NOMO3: variants seen among roughly 807,000 people sequenced by gnomAD.
NOMO3 encodes the protein NODAL modulator 3.
Under a neutral mutation model 69.9 loss-of-function variants are expected in NOMO3, and 15 were observed. The ratio of observed to expected loss-of-function variants is 0.21; its 90% CI spans 0.14 to 0.33. The LOEUF is 0.33. Ranked by LOEUF, NOMO3 falls within the 10% of genes least tolerant of loss-of-function variation. The pLI is 1.00. For synonymous variants in NOMO3, 89 were observed against 301.9 expected (o/e 0.29, Z 7.31); for missense variants, 218 against 761.0 (o/e 0.29, Z 8.39).
rs1387351979 is a variant in NOMO3 at position 16,244,578 on chromosome 16, C to T, written c.403-490C>T. 2.2e-3 allele frequency among the ~76,000 whole-genome samples: 87 copies of T among 39,398 alleles called. 2 individuals are homozygous for T. Among genetic ancestry groups the T allele is most frequent in the African/African-American group, 0.014 (85 of 6,104 alleles). 25.8% of individuals were successfully genotyped at this position (39,398 alleles called of 152,430 possible). A position where few individuals can be genotyped will look rare whatever the true frequency, so the allele number is the denominator to read the frequency against. ...TGTCGCCCAGGCTGGAGTGCAGTGG[C>T]GCGATTGCAGCTTACTGCAACCTCC... On this transcript the variant is annotated intron_variant, in intron 4 of 30. Coordinates refer to ENST00000399336, the MANE Select transcript of NOMO3 (RefSeq NM_001004067.4).
chr16:16,265,855 C>CTT (rs540082484), intron 15 of NOMO3, among the ~76,000 whole-genome samples: 3 of 130,064 alleles, frequency 2.3e-5, no homozygotes, highest in South Asian at 5.0e-4. Flanking sequence ...TAATTTTTTT[C>CTT]TTTTTTTTTT....
chr16:16,250,029 C>T lies in NOMO3; in HGVS notation c.583-899C>T, dbSNP rs940312826. Among the ~76,000 whole-genome samples, 21 of 136,452 alleles carry T rather than the reference C, an allele frequency of 1.5e-4. 1 individual carries two copies. Among genetic ancestry groups the T allele is most frequent in the Non-Finnish European group, 2.6e-4 (17 of 66,482 alleles). The allele number at this position is 136,452 out of a possible 152,430, so 89.5% of individuals were successfully genotyped here. On this transcript the variant is annotated intron_variant, in intron 6 of 30. Coordinates refer to ENST00000399336, the MANE Select transcript of NOMO3 (RefSeq NM_001004067.4). ...AGCTCCCTGAGCCAGAATAGGTTTA[C>T]AGCGACTGTGGCACTGTTGCGTGAT... is the stretch of plus-strand genomic sequence containing the variant.
intron 11 of NOMO3, chr16:16,260,980 G>C (rs536052793): frequency 4.7e-5 from 7 of 150,284 alleles, no homozygotes; most frequent in Admixed American, 1.2e-4. Flanking sequence ...TACCTTTTCT[G>C]TTCCAATCTC....
At chr16:16,236,770 C>CCCCGGTT (rs2049330101) in intron 1 of NOMO3, 131 bp from the exon 2 acceptor site, 1 of 740,214 alleles carries the variant, frequency 1.4e-6, no homozygotes, top group African/African-American at 2.1e-5. Flanking sequence ...CCCAGTAATG[C>CCCCGGTT]CCCGTGTTAA....
rs1050231347 is a variant in NOMO3 at position 16,241,685 on chromosome 16, G to A, written c.302-1476G>A. Reference sequence around the variant, plus strand: ...GGCCTCCCAAAGTGTTGGGATTATAGGCAAGAGCCACCACGCCTGGCCTAT... The same window carrying A: ...GGCCTCCCAAAGTGTTGGGATTATAAGCAAGAGCCACCACGCCTGGCCTAT... On this transcript the variant is annotated intron_variant, in intron 3 of 30. Transcript: ENST00000399336. Among the ~76,000 whole-genome samples, 246 of 119,070 alleles carry A rather than the reference G, an allele frequency of 2.1e-3. 2 individuals are homozygous for A. Among genetic ancestry groups the A allele is most frequent in the Non-Finnish European group, 3.0e-3 (186 of 61,104 alleles). The allele number at this position is 119,070 out of a possible 152,430, so 78.1% of individuals were successfully genotyped here. A position where few individuals can be genotyped will look rare whatever the true frequency, so the allele number is the denominator to read the frequency against.
chr16:16,265,305 A>G (rs386382), intron 15 of NOMO3, 126 bp downstream of exon 15: 25,330 of 1,528,246 alleles, frequency 0.017, 1,571 homozygotes, highest in East Asian at 0.058. Context: ...CTCTGCACTC[A>G]CCCACCTGTT....
intron 3 of NOMO3, among the ~76,000 whole-genome samples, chr16:16,240,264 G>A (rs1279036995): frequency 7.0e-6 from 1 of 143,434 alleles, no homozygotes; most frequent in Non-Finnish European, 1.5e-5. Flanking sequence ...AGTTTTTATG[G>A]AATTAATTGA....
At chr16:16,251,568 G>C (rs2049463109) in intron 7 of NOMO3, 1 of 267,218 alleles carries the variant, frequency 3.7e-6, no homozygotes, top group South Asian at 5.0e-5. Flanking sequence ...TCTACACTGG[G>C]AGGCAGTGGT....
intron 5 of NOMO3, among the ~76,000 whole-genome samples, chr16:16,245,560 A>AC (rs2049410108): frequency 3.0e-5 from 4 of 134,830 alleles, no homozygotes; most frequent in Non-Finnish European, 6.1e-5. Context: ...GTAGAGTCCC[A>AC]TGGGGGAAGA....
intron 9 of NOMO3, among the ~76,000 whole-genome samples, chr16:16,254,374 G>A (rs2049491909): frequency 7.0e-6 from 1 of 143,222 alleles, no homozygotes; most frequent in Non-Finnish European, 1.5e-5. Flanking sequence ...GCGTACATAT[G>A]TGAATTAATA....
intron 2 of NOMO3, among the ~76,000 whole-genome samples, chr16:16,239,231 G>A (rs571012615): frequency 6.9e-6 from 1 of 144,550 alleles, no homozygotes; most frequent in Admixed American, 6.7e-5. Context: ...GTTCACTGCA[G>A]CACTGACCTC....
Position 16,252,858 on chromosome 16 carries a change from G to A in NOMO3, c.963+336G>A, listed in dbSNP as rs1291285973. Among the ~76,000 whole-genome samples the A allele has an allele frequency of 1.3e-4, 16 of 127,330 alleles. 3 individuals are homozygous for A. The highest frequency in any genetic ancestry group is 6.0e-4 in the African/African-American group (16 of 26,772). The allele number at this position is 127,330 out of a possible 152,430, so 83.5% of individuals were successfully genotyped here. ...TTTTTTTTTTTTTTTTTTTAAGACA[G>A]GGTCTCACTGTGTGGCTCAAGCTGG... On this transcript the variant is annotated intron_variant, in intron 9 of 30. Coordinates refer to ENST00000399336, the MANE Select transcript of NOMO3 (RefSeq NM_001004067.4).
intron 15 of NOMO3, 128 bp downstream of exon 15, chr16:16,265,307 C>T (rs1329787109): frequency 6.4e-7 from 1 of 1,558,978 alleles, no homozygotes; most frequent in Admixed American, 1.8e-5. Context: ...CTGCACTCAC[C>T]CACCTGTTAC....
At chr16:16,267,438 T>TC (rs1369848835) in intron 16 of NOMO3, 6 of 412,946 alleles carry the variant, frequency 1.5e-5, no homozygotes, top group Non-Finnish European at 2.5e-5. Context: ...ATTTTTTTTT[T>TC]CTCTTTCTTT....
intron 16 of NOMO3, among the ~76,000 whole-genome samples, chr16:16,267,714 G>A (rs1236000880): frequency 7.0e-6 from 1 of 143,724 alleles, no homozygotes; most frequent in Admixed American, 6.8e-5. Flanking sequence ...GATTACAGGT[G>A]TGAGCTGCTG....
Position 16,261,592 on chromosome 16 carries a change from C to T in NOMO3, c.1311C>T (p.Asp437=), listed in dbSNP as rs770450328. ...ACAAAGTTGTCCTGTCATCTCAAGA[C>T]AAGGACAAGTCTTTGGTCACCGTGG... is the stretch of plus-strand genomic sequence containing the variant. ...NKYKVVLSSQ[D]KDKSLVTVET... Residue 437 remains aspartate (D), a synonymous_variant, in exon 12 of 31, where the codon GAC becomes GAT. Coordinates refer to ENST00000399336, the MANE Select transcript of NOMO3 (RefSeq NM_001004067.4). 5.0e-6 allele frequency: 8 copies of T among 1,584,508 alleles called. No individual in the cohort carries two copies. Among genetic ancestry groups the T allele is most frequent in the Middle Eastern group, 2.3e-4 (1 of 4,366 alleles).
rs367826315 is a variant in NOMO3, at chr16:16,265,068, C to T, written c.1695C>T (p.Cys565=). 312 of 1,569,882 alleles carry T rather than the reference C, an allele frequency of 2.0e-4. 6 individuals carry two copies. Among genetic ancestry groups the T allele is most frequent in the Non-Finnish European group, 2.6e-4 (304 of 1,168,966 alleles). The change falls in exon 15 of 31, where the codon TGC becomes TGT. Residue 565 remains cysteine (C), a synonymous_variant. Coordinates refer to ENST00000399336, the MANE Select transcript of NOMO3 (RefSeq NM_001004067.4). ...TAAGCATCATGCATGAGGATTGGTG[C>T]TGGAAGAACAAGAGCCTGGAGGTGG... ...YKISIMHEDW[C]WKNKSLEVEV... is the part of the protein sequence containing the mutation.
chr16:16,255,802 T>C lies in NOMO3; in HGVS notation c.1046T>C (p.Val349Ala), dbSNP rs775155260. Residue 349 changes from valine to alanine, a missense_variant, in exon 10 of 31, where the codon GTC (valine) becomes GCC (alanine). Coordinates refer to ENST00000399336, the MANE Select transcript of NOMO3 (RefSeq NM_001004067.4). ...GGAGATGGTGTTCCAGAAGCAGTAG[T>C]CACCCTGAATAACCAAATCAAAGGT... ...PEGDGVPEAVVTLNNQIKVKT... is the reference protein window; with the variant it reads ...PEGDGVPEAVATLNNQIKVKT... 3.9e-5 allele frequency: 61 copies of C among 1,564,068 alleles called. No homozygotes were observed. Among genetic ancestry groups the C allele is most frequent in the Non-Finnish European group, 4.8e-5 (56 of 1,164,960 alleles).
At chr16:16,265,690 T>TTTTTTTC in intron 15 of NOMO3, among the ~76,000 whole-genome samples, 1 of 62,866 alleles carries the variant, frequency 1.6e-5, no homozygotes, top group Non-Finnish European at 2.7e-5. Context: ...TTTTTTTTTT[T>TTTTTTTC]TTTTTTTTGA....
Sources: allele counts gnomAD v4.1 joint callset (sites outside exome capture counted in the v4.1 genomes callset), GRCh38; gene constraint gnomAD v4.1.1; transcripts MANE v1.5; gene names NCBI Gene and HGNC (gene_info 2026-07-23, HGNC 2026-07-21).